The following PRELID2 variants were observed in gnomAD, a reference collection of about 807,000 sequenced individuals.
The protein encoded by PRELID2 is PRELI domain-containing protein 2.
PRELID2 carries 25 observed loss-of-function variants against 28.4 expected under a neutral mutation model. The ratio of observed to expected loss-of-function variants is 0.88; its 90% CI spans 0.64 to 1.23. PRELID2 has a LOEUF of 1.23. PRELID2 is among the 50% of genes most tolerant of loss of function. PRELID2 has a pLI of 0.00. For synonymous variants in PRELID2, 76 were observed against 71.6 expected (o/e 1.06, Z -0.31); for missense variants, 201 against 214.4 (o/e 0.94, Z 0.39).
At chr5:145,651,472 C>G (rs1754296620) in intron 1 of PRELID2, among the ~76,000 whole-genome samples, 1 of 152,154 alleles carries the variant, frequency 6.6e-6, no homozygotes, top group South Asian at 2.1e-4. Flanking sequence ...AAGTGGGTCC[C>G]TGATCCCTGA....
At chr5:145,243,755 A>G in the PRELID2 span, among the ~76,000 whole-genome samples, 1 of 152,144 alleles carries the variant, frequency 6.6e-6, no homozygotes, top group African/African-American at 2.4e-5. Context: ...TCTTGCCAAC[A>G]ATAAATATTC....
chr5:145,483,090 T>G lies in PRELID2; in HGVS notation n.71-9775A>C, dbSNP rs192903880. Among the ~76,000 whole-genome samples, 459 of 152,206 alleles carry G rather than the reference T, an allele frequency of 3.0e-3. 3 individuals carry two copies. Among genetic ancestry groups the G allele is most frequent in the African/African-American group, 0.011 (438 of 41,508 alleles). On this transcript the variant is annotated intron_variant and non_coding_transcript_variant, in intron 1 of 2. Coordinates refer to the PRELID2 transcript ENST00000510259. The stretch of plus-strand genomic sequence containing the variant: ...TGGGGACTATTATTATCATCTCTAT[T>G]TTATAGACTGAAGTTGTAGTAGATG...
At chr5:145,431,129 G>A in the PRELID2 span, among the ~76,000 whole-genome samples, 61,807 of 149,132 alleles carry the variant, frequency 0.41, 13,084 homozygotes, top group Admixed American at 0.49. Context: ...AACAAAATAC[G>A]GTGGGAAATA....
the PRELID2 span, among the ~76,000 whole-genome samples, chr5:145,418,628 C>A: frequency 6.6e-6 from 1 of 152,158 alleles, no homozygotes; most frequent in Non-Finnish European, 1.5e-5. Flanking sequence ...CTGACAAAAA[C>A]AACCAATGGG....
At chr5:145,351,990 C>A in the PRELID2 span, among the ~76,000 whole-genome samples, 1 of 152,300 alleles carries the variant, frequency 6.6e-6, no homozygotes, top group East Asian at 1.9e-4. Flanking sequence ...CATCTCCACC[C>A]CTGTGGCTTT....
chr5:145,354,061 A>C, the PRELID2 span, among the ~76,000 whole-genome samples: 5 of 152,342 alleles, frequency 3.3e-5, no homozygotes, highest in South Asian at 1.0e-3. Flanking sequence ...CTTCAGCATC[A>C]TAATCCATGT....
chr5:145,310,518 GA>G, the PRELID2 span, among the ~76,000 whole-genome samples: 5 of 152,074 alleles, frequency 3.3e-5, no homozygotes, highest in Non-Finnish European at 7.4e-5. Flanking sequence ...TATATTAACA[GA>G]AAAATCAGTT....
chr5:145,460,073 T>C, the PRELID2 span, among the ~76,000 whole-genome samples: 1 of 152,190 alleles, frequency 6.6e-6, no homozygotes, highest in East Asian at 1.9e-4. Flanking sequence ...CCTCCCAAAG[T>C]GCTGGGATTA....
chr5:145,829,838 T>C (rs985491642), intron 1 of PRELID2, among the ~76,000 whole-genome samples: 1 of 152,166 alleles, frequency 6.6e-6, no homozygotes, highest in African/African-American at 2.4e-5. Context: ...GGATCAGAAA[T>C]GGAAACATTA....
the PRELID2 span, among the ~76,000 whole-genome samples, chr5:145,417,347 G>T: frequency 1.3e-5 from 2 of 152,116 alleles, no homozygotes; most frequent in African/African-American, 4.8e-5. Context: ...CATTTCTACT[G>T]AAATGATTCC....
At chr5:145,250,582 G>A in the PRELID2 span, among the ~76,000 whole-genome samples, 6 of 152,100 alleles carry the variant, frequency 3.9e-5, no homozygotes, top group African/African-American at 1.4e-4. Flanking sequence ...GTTGTTCTGA[G>A]GGTACCAAGA....
At chr5:145,729,656 G>A (rs1756279064) in intron 1 of PRELID2, among the ~76,000 whole-genome samples, 2 of 152,162 alleles carry the variant, frequency 1.3e-5, no homozygotes, top group South Asian at 2.1e-4. Context: ...AGTCATCCTT[G>A]GGTGTCCGTT....
intron 5 of PRELID2, among the ~76,000 whole-genome samples, chr5:145,789,043 G>T (rs1362163880): frequency 1.3e-5 from 2 of 152,126 alleles, no homozygotes; most frequent in Non-Finnish European, 2.9e-5. Flanking sequence ...TAGCTTGAAA[G>T]AATTAATATT....
At chr5:145,423,096 G>A in the PRELID2 span, among the ~76,000 whole-genome samples, 4 of 151,546 alleles carry the variant, frequency 2.6e-5, no homozygotes, top group South Asian at 2.1e-4. Context: ...GGTTTCTGCC[G>A]AGAGATCCGC....
chr5:145,793,904 C>A (rs1220162564), intron 5 of PRELID2, among the ~76,000 whole-genome samples: 3 of 152,118 alleles, frequency 2.0e-5, no homozygotes, highest in South Asian at 2.1e-4. Flanking sequence ...ATCCGCCCCA[C>A]AACCCCTTCC....
the PRELID2 span, among the ~76,000 whole-genome samples, chr5:145,394,674 G>A: frequency 6.6e-6 from 1 of 152,152 alleles, no homozygotes; most frequent in African/African-American, 2.4e-5. Context: ...ATCTGACTCT[G>A]GAACTTGTGT....
chr5:145,745,796 A>G (rs900955514), intron 1 of PRELID2, among the ~76,000 whole-genome samples: 1 of 152,014 alleles, frequency 6.6e-6, no homozygotes, highest in Non-Finnish European at 1.5e-5. Flanking sequence ...CCAGGAGGCA[A>G]GGTTCCAGTG....
chr5:145,445,196 G>A, the PRELID2 span, among the ~76,000 whole-genome samples: 2 of 151,968 alleles, frequency 1.3e-5, no homozygotes, highest in African/African-American at 2.4e-5. Context: ...TAGACTAATG[G>A]AACAAAATAG....
chr5:145,284,722 C>A, the PRELID2 span, among the ~76,000 whole-genome samples: 1 of 152,078 alleles, frequency 6.6e-6, no homozygotes, highest in Non-Finnish European at 1.5e-5. Flanking sequence ...TACCCTCAAT[C>A]CTAACCTGGC....
Sources: allele counts gnomAD v4.1 joint callset (sites outside exome capture counted in the v4.1 genomes callset), GRCh38; gene constraint gnomAD v4.1.1; transcripts MANE v1.5; gene names NCBI Gene and HGNC (gene_info 2026-07-23, HGNC 2026-07-21).